GDPD5: variants seen among roughly 807,000 people sequenced by gnomAD.
GDPD5 encodes the protein glycerophosphodiester phosphodiesterase 2.
Under a neutral mutation model 75.1 loss-of-function variants are expected in GDPD5, and 48 were observed. The ratio of observed to expected loss-of-function variants is 0.64; its 90% CI spans 0.51 to 0.81. The LOEUF (loss-of-function observed/expected upper bound fraction) is 0.81. Ranked by LOEUF, GDPD5 falls within the 40% of genes least tolerant of loss-of-function variation. GDPD5 has a pLI of 0.00. For missense variants in GDPD5, 706 were observed against 822.6 expected (o/e 0.86, Z 1.73); for synonymous variants, 336 against 339.0 (o/e 0.99, Z 0.10).
At chr11:75,501,392 C>T (rs970837861) in intron 1 of GDPD5, among the ~76,000 whole-genome samples, 2 of 152,238 alleles carry the variant, frequency 1.3e-5, no homozygotes, top group Admixed American at 6.5e-5. Context: ...CACATATTCA[C>T]GGACAGACAC....
intron 3 of GDPD5, among the ~76,000 whole-genome samples, chr11:75,465,990 G>A (rs1949507457): frequency 6.6e-6 from 1 of 152,252 alleles, no homozygotes; most frequent in Non-Finnish European, 1.5e-5. Context: ...AGGGTCCTAT[G>A]CCCTAAAGGC....
chr11:75,441,617 C>T (rs1375543611), intron 13 of GDPD5, 29 bp downstream of exon 13: 2 of 1,532,058 alleles, frequency 1.3e-6, no homozygotes, highest in African/African-American at 2.7e-5. Context: ...CCCACCCTCT[C>T]CTGGAGGAGC....
chr11:75,441,040 G>T, intron 14 of GDPD5, 123 bp downstream of exon 14: 2 of 938,200 alleles, frequency 2.1e-6, no homozygotes, highest in Non-Finnish European at 1.6e-6. Flanking sequence ...GCCCACCATG[G>T]ACTCCCCACC....
At chr11:75,442,949 A>C in intron 11 of GDPD5, 187 bp downstream of exon 11, 1 of 675,174 alleles carries the variant, frequency 1.5e-6, no homozygotes, top group Non-Finnish European at 2.6e-6. Flanking sequence ...ACCCAGAACA[A>C]GCAGTGACAA....
chr11:75,496,502 C>T (rs1328451473), intron 1 of GDPD5, among the ~76,000 whole-genome samples: 4 of 152,234 alleles, frequency 2.6e-5, no homozygotes, highest in Non-Finnish European at 5.9e-5. Context: ...TGCCCAGATC[C>T]CCTCTTGGGA....
intron 1 of GDPD5, among the ~76,000 whole-genome samples, chr11:75,515,487 T>G (rs1199302867): frequency 6.6e-6 from 1 of 152,146 alleles, no homozygotes; most frequent in Non-Finnish European, 1.5e-5. Flanking sequence ...GTCCCAGGCC[T>G]GCCCAGCCCC....
At chr11:75,519,846 T>C (rs981501359) in intron 1 of GDPD5, among the ~76,000 whole-genome samples, 8 of 152,216 alleles carry the variant, frequency 5.3e-5, no homozygotes, top group Non-Finnish European at 1.0e-4. Flanking sequence ...TCTCCAACCA[T>C]GTTACATTTC....
chr11:75,476,683 A>G (rs1195588425), intron 3 of GDPD5, among the ~76,000 whole-genome samples: 1 of 152,118 alleles, frequency 6.6e-6, no homozygotes, highest in Non-Finnish European at 1.5e-5. Flanking sequence ...GCAATGAATC[A>G]GGCCTGGTGC....
chr11:75,441,727 T>C lies in GDPD5; in HGVS notation c.1244A>G (p.Lys415Arg). 6.2e-7 allele frequency: 1 copy of C among 1,611,764 alleles called. No individual in the cohort carries two copies. The highest frequency in any genetic ancestry group is 8.5e-7 in the Non-Finnish European group (1 of 1,179,882). ...TCTCCGCAGGCTGGCGACTGCCTCCTTGGAGCCTGATGTCTGTTGGAAGCC... is the reference window on the plus strand; with the variant it reads ...TCTCCGCAGGCTGGCGACTGCCTCCCTGGAGCCTGATGTCTGTTGGAAGCC... ...APGFQQTSGS[K>R]EAVASLRRGH... Residue 415 changes from lysine to arginine, a missense_variant, in exon 13 of 17, where the codon AAG becomes AGG. By Grantham distance (26) the Lys-to-Arg change is conservative (BLOSUM62 2). Coordinates refer to ENST00000336898, the MANE Select transcript of GDPD5 (RefSeq NM_030792.8).
At chr11:75,519,857 G>C (rs540420933) in intron 1 of GDPD5, among the ~76,000 whole-genome samples, 3 of 152,302 alleles carry the variant, frequency 2.0e-5, no homozygotes, top group Admixed American at 6.5e-5. Context: ...GTTACATTTC[G>C]GTTGGATGTG....
chr11:75,475,798 C>T (rs1047692816), intron 3 of GDPD5, among the ~76,000 whole-genome samples: 24 of 152,330 alleles, frequency 1.6e-4, no homozygotes, highest in Admixed American at 1.1e-3. Flanking sequence ...TCATGGCCCC[C>T]TGCTGCCCCT....
intron 6 of GDPD5, chr11:75,451,189 G>A (rs73006141): frequency 1.3e-5 from 2 of 152,410 alleles, no homozygotes; most frequent in Non-Finnish European, 2.9e-5. Flanking sequence ...AGTCTCGCCT[G>A]GGATGAAGTT....
intron 1 of GDPD5, among the ~76,000 whole-genome samples, chr11:75,509,758 C>T (rs1446986985): frequency 2.0e-5 from 3 of 152,312 alleles, no homozygotes; most frequent in Middle Eastern, 3.4e-3. Flanking sequence ...CAGCTCACTG[C>T]AATCTCCGCC....
At chr11:75,449,862 C>G (rs768519669) in intron 7 of GDPD5, 23 bp downstream of exon 7, 4 of 1,605,594 alleles carry the variant, frequency 2.5e-6, no homozygotes, top group Non-Finnish European at 2.6e-6. Flanking sequence ...TTGTGAGGGT[C>G]CTGGGGGACC....
intron 10 of GDPD5, among the ~76,000 whole-genome samples, chr11:75,443,979 CAGAT>C (rs1948909203): frequency 6.6e-6 from 1 of 152,230 alleles, no homozygotes; most frequent in Non-Finnish European, 1.5e-5. Context: ...CTTCCCTTCT[CAGAT>C]AACCTCTGTT....
intron 1 of GDPD5, among the ~76,000 whole-genome samples, chr11:75,520,708 A>G (rs1442690594): frequency 6.6e-6 from 1 of 152,230 alleles, no homozygotes; most frequent in African/African-American, 2.4e-5. Context: ...TGGTCACAGC[A>G]GGAGAAAGGG....
intron 2 of GDPD5, among the ~76,000 whole-genome samples, chr11:75,480,616 T>C (rs1949891195): frequency 6.6e-6 from 1 of 152,156 alleles, no homozygotes; most frequent in Non-Finnish European, 1.5e-5. Flanking sequence ...CCCCATTTTA[T>C]AGATGAGAAC....
intron 1 of GDPD5, among the ~76,000 whole-genome samples, chr11:75,499,530 G>A (rs1950268912): frequency 6.6e-6 from 1 of 151,868 alleles, no homozygotes; most frequent in Non-Finnish European, 1.5e-5. Context: ...AATCAGGGCG[G>A]GTCTGACATT....
chr11:75,483,591 G>C (rs909149380), intron 2 of GDPD5, among the ~76,000 whole-genome samples: 1 of 152,154 alleles, frequency 6.6e-6, no homozygotes, highest in Non-Finnish European at 1.5e-5. Flanking sequence ...ATGTGACCTT[G>C]GACAGGTCAC....
Sources: allele counts gnomAD v4.1 joint callset (sites outside exome capture counted in the v4.1 genomes callset), GRCh38; gene constraint gnomAD v4.1.1; transcripts MANE v1.5; gene names NCBI Gene and HGNC (gene_info 2026-07-23, HGNC 2026-07-21).